PRDM5: variants seen among roughly 807,000 people sequenced by gnomAD.
The protein encoded by PRDM5 is PR domain zinc finger protein 5.
Under a neutral mutation model 81.2 loss-of-function variants are expected in PRDM5, and 56 were observed. That is an observed-to-expected ratio of 0.69 (90% CI 0.56 to 0.86). PRDM5 has a LOEUF of 0.86. PRDM5 is among the 40% of genes least tolerant of loss of function. The pLI, the probability that PRDM5 is intolerant of heterozygous loss-of-function variation, is 0.00. For missense variants in PRDM5, 697 were observed against 770.1 expected (o/e 0.91, Z 1.12); for synonymous variants, 267 against 256.4 (o/e 1.04, Z -0.39).
At chr4:120,704,421 C>T (rs1242519464) in intron 15 of PRDM5, among the ~76,000 whole-genome samples, 1 of 152,148 alleles carries the variant, frequency 6.6e-6, no homozygotes, top group Non-Finnish European at 1.5e-5. Context: ...TGATTCGTAT[C>T]CAAACTTTCA....
At chr4:120,793,493 G>A (rs1414735686) in intron 10 of PRDM5, among the ~76,000 whole-genome samples, 1 of 152,130 alleles carries the variant, frequency 6.6e-6, no homozygotes, top group African/African-American at 2.4e-5. Context: ...CCCAACACTG[G>A]TCCATGGAAA....
At chr4:120,718,823 G>A (rs987806673) in intron 14 of PRDM5, among the ~76,000 whole-genome samples, 23 of 152,128 alleles carry the variant, frequency 1.5e-4, no homozygotes, top group African/African-American at 5.6e-4. Context: ...ATTACAAACT[G>A]TGGCATAGAT....
intron 3 of PRDM5, among the ~76,000 whole-genome samples, chr4:120,836,017 G>C (rs1038343295): frequency 6.6e-6 from 1 of 152,104 alleles, no homozygotes; most frequent in African/African-American, 2.4e-5. Context: ...AGGCCAGAGG[G>C]AAGCAGAAAC....
rs538151209 is a variant in PRDM5, at chr4:120,904,117, G to A, written c.177+3357C>T. Reference sequence around the variant, plus strand: ...AGGCAGGAGAACCTCTTGAACCCAGGAGATGGAGGTTGCAGTGAGCTGAGA... The same window carrying A: ...AGGCAGGAGAACCTCTTGAACCCAGAAGATGGAGGTTGCAGTGAGCTGAGA... On this transcript the variant is annotated intron_variant, in intron 2 of 15. Coordinates refer to ENST00000264808, the MANE Select transcript of PRDM5 (RefSeq NM_018699.4). 6.8e-5 allele frequency among the ~76,000 whole-genome samples: 10 copies of A among 146,756 alleles called. No individual in the cohort carries two copies. The South Asian group carries it at 2.2e-3, about 32-fold the overall frequency.
At chr4:120,721,817 T>C (rs958481619) in intron 14 of PRDM5, among the ~76,000 whole-genome samples, 8 of 152,078 alleles carry the variant, frequency 5.3e-5, no homozygotes, top group African/African-American at 1.9e-4. Flanking sequence ...CCACTTGTTA[T>C]CACAGCCATG....
At chr4:120,754,391 T>G (rs1447204744) in intron 14 of PRDM5, among the ~76,000 whole-genome samples, 162 bp downstream of exon 14, 1 of 152,142 alleles carries the variant, frequency 6.6e-6, no homozygotes, top group African/African-American at 2.4e-5. Flanking sequence ...TTTCTTTCAT[T>G]GTTTTATCTT....
At chr4:120,888,832 C>A (rs1763747307) in intron 2 of PRDM5, among the ~76,000 whole-genome samples, 1 of 152,202 alleles carries the variant, frequency 6.6e-6, no homozygotes, top group Admixed American at 6.5e-5. Flanking sequence ...TCGCATTTCC[C>A]AGATAACTAA....
intron 10 of PRDM5, among the ~76,000 whole-genome samples, chr4:120,794,583 ATTATC>A (rs1338122785): frequency 6.7e-6 from 1 of 150,242 alleles, no homozygotes; most frequent in Non-Finnish European, 1.5e-5. Context: ...AAATACATGT[ATTATC>A]TTATTGAATG....
chr4:120,920,862 G>T (rs971457142), intron 1 of PRDM5, among the ~76,000 whole-genome samples: 1 of 152,102 alleles, frequency 6.6e-6, no homozygotes, highest in African/African-American at 2.4e-5. Context: ...GTAAAGTGAT[G>T]CAATAATATA....
At chr4:120,759,086 T>G (rs1745219134) in intron 13 of PRDM5, among the ~76,000 whole-genome samples, 1 of 150,256 alleles carries the variant, frequency 6.7e-6, no homozygotes, top group African/African-American at 2.5e-5. Flanking sequence ...TGGCAGTTAC[T>G]CTTATCACTG....
In PRDM5 at chr4:120,820,722, C is replaced by T. The variant is rs73843620; in HGVS notation, c.475+449G>A. ...CCAAACAAGAGGAATCAATCCCCTT[C>T]GGATCCAGCAGGCTCTCTTGTGTAC... On this transcript the variant is annotated intron_variant, in intron 4 of 15. Coordinates refer to ENST00000264808, the MANE Select transcript of PRDM5 (RefSeq NM_018699.4). Among the ~76,000 whole-genome samples the T allele has an allele frequency of 8.5e-3, 1,300 of 152,322 alleles. 19 individuals carry two copies. Among genetic ancestry groups the T allele is most frequent in the African/African-American group, 0.03 (1,228 of 41,578 alleles).
intron 7 of PRDM5, 86 bp downstream of exon 7, chr4:120,816,367 C>A: frequency 6.2e-7 from 1 of 1,608,252 alleles, no homozygotes; most frequent in Non-Finnish European, 8.5e-7. Flanking sequence ...AGCCAGCTCT[C>A]TCCTCAAGAG....
chr4:120,827,188 G>C (rs1422945402), intron 3 of PRDM5, among the ~76,000 whole-genome samples: 4 of 152,142 alleles, frequency 2.6e-5, no homozygotes, highest in Non-Finnish European at 4.4e-5. Flanking sequence ...TTTGAACAAA[G>C]CTGAAAAACA....
chr4:120,769,426 C>G (rs866257872), intron 13 of PRDM5, among the ~76,000 whole-genome samples: 2 of 151,990 alleles, frequency 1.3e-5, no homozygotes, highest in African/African-American at 2.4e-5. Flanking sequence ...GAAAGTAACA[C>G]GTAATTGGAG....
chr4:120,735,401 T>C (rs572428522), intron 14 of PRDM5, among the ~76,000 whole-genome samples: 3 of 152,328 alleles, frequency 2.0e-5, no homozygotes, highest in Admixed American at 6.5e-5. Context: ...AATGAGCTCA[T>C]AAGTGTCTCC....
At chr4:120,685,784 T>TATC (rs984175657) in intron 1 of PRDM5, among the ~76,000 whole-genome samples, 5 of 152,154 alleles carry the variant, frequency 3.3e-5, no homozygotes, top group African/African-American at 1.2e-4. Context: ...GTTACAGATT[T>TATC]ATCATCTTTT....
At chr4:120,739,650 C>G (rs1393763999) in intron 14 of PRDM5, among the ~76,000 whole-genome samples, 1 of 151,650 alleles carries the variant, frequency 6.6e-6, no homozygotes, top group Non-Finnish European at 1.5e-5. Context: ...AAAAATTTGT[C>G]AAGAGAATGA....
rs147549675 is a variant in PRDM5, at chr4:120,839,922, G to GCC, written c.300+13494_300+13495dup. ...AGCAGGCAGCTGGTGTGTCAGCACT[G>GCC]CCCCAGGTGTATGCACCCCCAGCCA... On this transcript the variant is annotated intron_variant, in intron 3 of 15. Coordinates refer to ENST00000264808, the MANE Select transcript of PRDM5 (RefSeq NM_018699.4). 8.6e-3 allele frequency among the ~76,000 whole-genome samples: 1,315 copies of GCC among 152,342 alleles called. 21 individuals are homozygous for GCC. The highest frequency in any genetic ancestry group is 0.03 in the African/African-American group (1,246 of 41,580).
At chr4:120,730,676 C>G (rs1239518077) in intron 14 of PRDM5, among the ~76,000 whole-genome samples, 1 of 152,140 alleles carries the variant, frequency 6.6e-6, no homozygotes, top group African/African-American at 2.4e-5. Flanking sequence ...GAAAAACTCT[C>G]TTTATATATA....
Sources: allele counts gnomAD v4.1 joint callset (sites outside exome capture counted in the v4.1 genomes callset), GRCh38; gene constraint gnomAD v4.1.1; transcripts MANE v1.5; gene names NCBI Gene and HGNC (gene_info 2026-07-23, HGNC 2026-07-21).